The following FHIP1A variants were observed in gnomAD, a reference collection of about 807,000 sequenced individuals.
FHIP1A encodes FHF complex subunit HOOK-interacting protein 1A.
Under a neutral mutation model 88.6 loss-of-function variants are expected in FHIP1A, and 61 were observed. The observed-to-expected ratio is 0.69, with a 90% confidence interval of 0.56 to 0.85. FHIP1A has a LOEUF of 0.85. Among genes scored for constraint, FHIP1A ranks in the 40% least tolerant of loss-of-function variants. The pLI is 0.00. For synonymous variants in FHIP1A, 478 were observed against 496.0 expected, an observed-to-expected ratio of 0.96 and a Z score of 0.48; for missense variants, 1,154 against 1,273.5, an observed-to-expected ratio of 0.91 and a Z score of 1.43.
intron 3 of FHIP1A, among the ~76,000 whole-genome samples, chr4:151,550,236 A>G (rs1442135756): frequency 6.6e-6 from 1 of 152,178 alleles, no homozygotes; most frequent in Non-Finnish European, 1.5e-5. Flanking sequence ...TTCATGTTAC[A>G]AACTATCCAA....
At chr4:151,593,814 A>G (rs1482078074) in intron 7 of FHIP1A, among the ~76,000 whole-genome samples, 1 of 152,202 alleles carries the variant, frequency 6.6e-6, no homozygotes, top group Non-Finnish European at 1.5e-5. Context: ...AGGAGTGGTG[A>G]GAGAGGGCAT....
chr4:151,516,228 T>TG (rs1731231219), intron 3 of FHIP1A, among the ~76,000 whole-genome samples: 1 of 152,074 alleles, frequency 6.6e-6, no homozygotes, highest in Non-Finnish European at 1.5e-5. Context: ...TAAATGGTGC[T>TG]GGGAAAACTG....
chr4:151,659,878 C>T (rs1435165380), intron 13 of FHIP1A, among the ~76,000 whole-genome samples: 1 of 152,228 alleles, frequency 6.6e-6, no homozygotes, highest in Non-Finnish European at 1.5e-5. Context: ...GTTCCCAGTT[C>T]CACATTATTA....
chr4:151,521,020 A>T (rs549165123), intron 3 of FHIP1A, among the ~76,000 whole-genome samples: 1 of 152,350 alleles, frequency 6.6e-6, no homozygotes, highest in South Asian at 2.1e-4. Flanking sequence ...TGGTTATAAC[A>T]CATGTCCTAT....
chr4:151,468,834 CT>C (rs11357867), intron 2 of FHIP1A, among the ~76,000 whole-genome samples: 78,925 of 151,876 alleles, frequency 0.52, 20,800 homozygotes, highest in African/African-American at 0.55. Context: ...GGAGGGTTTC[CT>C]TAAGGGCAGC....
intron 7 of FHIP1A, among the ~76,000 whole-genome samples, chr4:151,601,343 T>C (rs906965203): frequency 2.6e-5 from 4 of 151,840 alleles, no homozygotes; most frequent in African/African-American, 9.7e-5. Flanking sequence ...AGAGGGGCCG[T>C]TGGAAGCCAT....
chr4:151,530,375 T>C (rs1731828504), intron 3 of FHIP1A, among the ~76,000 whole-genome samples: 1 of 152,156 alleles, frequency 6.6e-6, no homozygotes, highest in Admixed American at 6.5e-5. Context: ...ACGATTCATA[T>C]TGGTTGGGTA....
intron 2 of FHIP1A, among the ~76,000 whole-genome samples, chr4:151,476,662 A>G (rs1729719930): frequency 6.6e-6 from 1 of 152,220 alleles, no homozygotes. Flanking sequence ...GGATGAGAGA[A>G]AATAATGAAG....
At chr4:151,442,593 T>C (rs1036937330) in intron 1 of FHIP1A, among the ~76,000 whole-genome samples, 5 of 152,180 alleles carry the variant, frequency 3.3e-5, no homozygotes, top group Non-Finnish European at 7.3e-5. Flanking sequence ...CCCTGCATTT[T>C]TCATAAGTCA....
intron 1 of FHIP1A, among the ~76,000 whole-genome samples, chr4:151,446,563 G>GA (rs1271552759): frequency 7.3e-6 from 1 of 136,432 alleles, no homozygotes; most frequent in Non-Finnish European, 1.6e-5. Flanking sequence ...CTGTAAATAT[G>GA]AATGTGTTGT....
At chr4:151,612,149 T>C (rs1161878011) in intron 7 of FHIP1A, among the ~76,000 whole-genome samples, 2 of 152,176 alleles carry the variant, frequency 1.3e-5, no homozygotes, top group Non-Finnish European at 2.9e-5. Flanking sequence ...GATCTCCAGA[T>C]CTCCAGGCTT....
Position 151,663,253 on chromosome 4 carries a change from T to G in FHIP1A, c.*499T>G, listed in dbSNP as rs1301005433. The G allele has an allele frequency of 6.6e-6, 1 of 152,456 alleles. No individual in the cohort carries two copies. The highest frequency in any genetic ancestry group is 1.5e-5 in the Non-Finnish European group (1 of 68,204). 9.4% of individuals were successfully genotyped at this position (152,456 alleles called of 1,614,324 possible). A position where few individuals can be genotyped will look rare whatever the true frequency, so the allele number is the denominator to read the frequency against. The stretch of plus-strand genomic sequence containing the variant: ...GAGTAAAGATGGAGCTCCTCCTGCC[T>G]CCATCACGAAAGCACATATCATCTG... On this transcript the variant is annotated 3_prime_UTR_variant, in exon 14 of 14. Transcript: ENST00000435205.
At chr4:151,637,929 G>C (rs1349007333) in intron 8 of FHIP1A, among the ~76,000 whole-genome samples, 1 of 152,098 alleles carries the variant, frequency 6.6e-6, no homozygotes, top group Admixed American at 6.6e-5. Flanking sequence ...TTATTCTCCT[G>C]TACAAAGAAT....
In FHIP1A at chr4:151,494,230, T is replaced by C. The variant is rs138715043; in HGVS notation, c.-123+11582T>C. On this transcript the variant is annotated intron_variant, in intron 3 of 13. Coordinates refer to ENST00000435205, the MANE Select transcript of FHIP1A (RefSeq NM_001109977.3). ...GTTGCAATTGCTGTTGGTGCCTTTG[T>C]CATGAAATCTTTGCCAGGGCCTATA... Among the ~76,000 whole-genome samples, 1,398 of 152,312 alleles carry C rather than the reference T, an allele frequency of 9.2e-3. 19 individuals carry two copies. Among genetic ancestry groups the C allele is most frequent in the African/African-American group, 0.031 (1,306 of 41,576 alleles).
At chr4:151,488,176 A>G (rs1378203659) in intron 3 of FHIP1A, among the ~76,000 whole-genome samples, 3 of 152,136 alleles carry the variant, frequency 2.0e-5, no homozygotes, top group African/African-American at 7.2e-5. Flanking sequence ...TCAGTCATCC[A>G]TTGTGGGCAA....
chr4:151,636,497 TA>T (rs1459579604), intron 8 of FHIP1A, among the ~76,000 whole-genome samples: 1 of 151,972 alleles, frequency 6.6e-6, no homozygotes, highest in East Asian at 1.9e-4. Flanking sequence ...CTCTTGTATG[TA>T]AAAAACTAAG....
intron 3 of FHIP1A, among the ~76,000 whole-genome samples, chr4:151,514,664 T>C (rs1731161871): frequency 6.6e-6 from 1 of 152,176 alleles, no homozygotes; most frequent in South Asian, 2.1e-4. Context: ...TATCAGAGAA[T>C]ACTACAAACA....
chr4:151,524,780 T>C (rs1376039523), intron 3 of FHIP1A, among the ~76,000 whole-genome samples: 3 of 152,176 alleles, frequency 2.0e-5, no homozygotes, highest in Non-Finnish European at 4.4e-5. Flanking sequence ...TGAGGGAAGA[T>C]GCAAGAGACA....
chr4:151,588,777 T>G, intron 6 of FHIP1A, 63 bp from the exon 7 acceptor site: 1 of 1,063,962 alleles, frequency 9.4e-7, no homozygotes, highest in South Asian at 1.3e-5. Flanking sequence ...ACAGAATTGT[T>G]TTATTTTAAG....
Sources: allele counts gnomAD v4.1 joint callset (sites outside exome capture counted in the v4.1 genomes callset), GRCh38; gene constraint gnomAD v4.1.1; transcripts MANE v1.5; gene names NCBI Gene and HGNC (gene_info 2026-07-23, HGNC 2026-07-21).